RYR2: variants seen among roughly 807,000 people sequenced by gnomAD.
The protein encoded by RYR2 is cardiac muscle ryanodine receptor-calcium release channel.
Under a neutral mutation model 601.1 loss-of-function variants are expected in RYR2, and 227 were observed. That is an observed-to-expected ratio of 0.38 (90% CI 0.34 to 0.42). The LOEUF (loss-of-function observed/expected upper bound fraction) is 0.42. RYR2 is among the 10% of genes least tolerant of loss of function. The pLI, the probability that RYR2 is intolerant of heterozygous loss-of-function variation, is 1.00. For synonymous variants in RYR2, 2,223 were observed against 2,175.1 expected, an observed-to-expected ratio of 1.02 and a Z score of -0.61; for missense variants, 4,646 against 6,156.5, an observed-to-expected ratio of 0.75 and a Z score of 8.21.
chr1:237,428,040 A>G (rs1706379789), intron 12 of RYR2, among the ~76,000 whole-genome samples: 2 of 152,164 alleles, frequency 1.3e-5, no homozygotes, highest in Non-Finnish European at 2.9e-5. Context: ...GCAAATCAAA[A>G]CCACAATGAG....
chr1:237,593,066 G>A (rs1675409453), intron 32 of RYR2, among the ~76,000 whole-genome samples: 2 of 150,302 alleles, frequency 1.3e-5, no homozygotes, highest in South Asian at 4.2e-4. Context: ...ACATGTATAA[G>A]CTTGAAGAAT....
chr1:237,241,539 G>A (rs140746575), intron 1 of RYR2, among the ~76,000 whole-genome samples: 1 of 152,118 alleles, frequency 6.6e-6, no homozygotes, highest in East Asian at 1.9e-4. Context: ...TTGGCTTCAC[G>A]CAGGAAAGAA....
At chr1:237,398,883 G>A (rs1703090330) in intron 10 of RYR2, among the ~76,000 whole-genome samples, 1 of 152,172 alleles carries the variant, frequency 6.6e-6, no homozygotes, top group Non-Finnish European at 1.5e-5. Context: ...CAGTGAAATG[G>A]AATGGTCTAT....
intron 38 of RYR2, among the ~76,000 whole-genome samples, chr1:237,621,308 G>A (rs916730981): frequency 5.3e-5 from 8 of 152,134 alleles, no homozygotes; most frequent in Admixed American, 2.0e-4. Context: ...TTTAAAAAGC[G>A]GAAACCACTC....
intron 1 of RYR2, among the ~76,000 whole-genome samples, chr1:237,211,080 G>T (rs1485476206): frequency 6.6e-6 from 1 of 152,178 alleles, no homozygotes; most frequent in Non-Finnish European, 1.5e-5. Flanking sequence ...CTGTGCCCTG[G>T]ATACCGCTTA....
rs6667398 is a variant in RYR2 at position 237,417,438 on chromosome 1, T to C, written c.848+315T>C. 7.0e-3 allele frequency among the ~76,000 whole-genome samples: 1,066 copies of C among 152,338 alleles called. 22 individuals carry two copies. The highest frequency in any genetic ancestry group is 0.024 in the African/African-American group (996 of 41,582). On this transcript the variant is annotated intron_variant, in intron 11 of 104. Transcript: ENST00000366574. ...TGCATCTCTTGGCAGAAATGGCTAC[T>C]AGGACAGAGTGATGTAAGATTTGGA...
At chr1:237,072,202 G>A (rs1424982358) in intron 1 of RYR2, among the ~76,000 whole-genome samples, 1 of 152,220 alleles carries the variant, frequency 6.6e-6, no homozygotes, top group Non-Finnish European at 1.5e-5. Flanking sequence ...CATGGGGCAT[G>A]CCGCCCCGGT....
intron 2 of RYR2, among the ~76,000 whole-genome samples, chr1:237,300,490 T>C (rs1295781102): frequency 6.6e-6 from 1 of 152,176 alleles, no homozygotes; most frequent in Non-Finnish European, 1.5e-5. Flanking sequence ...GCTTTCTTAG[T>C]TCTGAAAATG....
intron 24 of RYR2, among the ~76,000 whole-genome samples, chr1:237,520,314 T>G (rs1348474575): frequency 1.3e-5 from 2 of 152,228 alleles, no homozygotes; most frequent in African/African-American, 2.4e-5. Flanking sequence ...ATTGCCTAAT[T>G]TCTCTCACTA....
intron 103 of RYR2, among the ~76,000 whole-genome samples, chr1:237,831,159 C>T (rs1004451178): frequency 1.3e-5 from 2 of 151,910 alleles, no homozygotes; most frequent in Admixed American, 6.6e-5. Flanking sequence ...GAAGAGATGC[C>T]GAGTAGCATT....
intron 42 of RYR2, among the ~76,000 whole-genome samples, chr1:237,633,296 C>G (rs1239348614): frequency 6.6e-6 from 1 of 152,190 alleles, no homozygotes; most frequent in African/African-American, 2.4e-5. Context: ...AGTGAGGCAT[C>G]ACAAATGAAT....
chr1:237,100,504 A>G (rs1171763103), intron 1 of RYR2, among the ~76,000 whole-genome samples: 1 of 151,342 alleles, frequency 6.6e-6, no homozygotes, highest in Non-Finnish European at 1.5e-5. Context: ...CTCCTGTCTC[A>G]GCTTCCTGAG....
At chr1:237,680,624 T>A (rs768127543) in intron 62 of RYR2, 47 bp downstream of exon 62, 2 of 1,497,574 alleles carry the variant, frequency 1.3e-6, no homozygotes, top group Admixed American at 4.2e-5. Context: ...TAGGTGTATA[T>A]GCAGTTGCAA....
At chr1:237,285,003 G>A (rs188480886) in intron 2 of RYR2, among the ~76,000 whole-genome samples, 416 of 152,164 alleles carry the variant, frequency 2.7e-3, no homozygotes, top group Non-Finnish European at 4.5e-3. Flanking sequence ...CCTCTTTACT[G>A]ATTTGGATGC....
At chr1:237,671,500 T>C (rs1684926178) in intron 58 of RYR2, among the ~76,000 whole-genome samples, 1 of 150,510 alleles carries the variant, frequency 6.6e-6, no homozygotes. Context: ...TCTTGGTGCC[T>C]GGGTGTGTGT....
At chr1:237,401,716 A>G (rs1405436021) in intron 10 of RYR2, among the ~76,000 whole-genome samples, 2 of 152,212 alleles carry the variant, frequency 1.3e-5, no homozygotes, top group African/African-American at 2.4e-5. Flanking sequence ...CATAGGCTAC[A>G]TGATGGAATT....
intron 1 of RYR2, among the ~76,000 whole-genome samples, chr1:237,259,546 A>AAAAAAGAG (rs1553368865): frequency 1.4e-5 from 2 of 143,832 alleles, no homozygotes; most frequent in East Asian, 4.1e-4. Flanking sequence ...AAAAAAAAAA[A>AAAAAAGAG]AGAGAGACTA....
chr1:237,826,068 G>A (rs1663054686), intron 101 of RYR2, among the ~76,000 whole-genome samples: 2 of 152,284 alleles, frequency 1.3e-5, no homozygotes, highest in South Asian at 2.1e-4. Flanking sequence ...GTGTTTGTGG[G>A]AGTGTAAATT....
At chr1:237,642,654 T>A (rs1383365258) in intron 47 of RYR2, among the ~76,000 whole-genome samples, 1 of 152,078 alleles carries the variant, frequency 6.6e-6, no homozygotes, top group Non-Finnish European at 1.5e-5. Context: ...TGTGCTTGAG[T>A]TTCACGCCCT....
Sources: allele counts gnomAD v4.1 joint callset (sites outside exome capture counted in the v4.1 genomes callset), GRCh38; gene constraint gnomAD v4.1.1; transcripts MANE v1.5; gene names NCBI Gene and HGNC (gene_info 2026-07-23, HGNC 2026-07-21).